The following NBEA variants were observed in gnomAD, a reference collection of about 807,000 sequenced individuals.
The protein encoded by NBEA is neurobeachin.
Under a neutral mutation model 343.4 loss-of-function variants are expected in NBEA, and 44 were observed. That is an observed-to-expected ratio of 0.13 (90% CI 0.10 to 0.16). The LOEUF (loss-of-function observed/expected upper bound fraction) is 0.16. NBEA is among the 10% of genes least tolerant of loss of function. The pLI is 1.00. For synonymous variants in NBEA, 1,175 were observed against 1,238.7 expected (o/e 0.95, Z 1.08); for missense variants, 2,555 against 3,631.3 (o/e 0.70, Z 7.62).
chr13:35,259,138 T>C (rs964560563), intron 34 of NBEA, among the ~76,000 whole-genome samples: 1 of 152,212 alleles, frequency 6.6e-6, no homozygotes, highest in African/African-American at 2.4e-5. Context: ...TTATGGGAAG[T>C]TAGTTTTCTC....
At chr13:34,995,355 G>A (rs1236465092) in intron 1 of NBEA, among the ~76,000 whole-genome samples, 2 of 151,684 alleles carry the variant, frequency 1.3e-5, no homozygotes, top group African/African-American at 4.8e-5. Context: ...TACTGAGGAG[G>A]CTGAGGCAGG....
At chr13:35,263,773 A>G (rs117312862) in intron 34 of NBEA, among the ~76,000 whole-genome samples, 4,519 of 152,186 alleles carry the variant, frequency 0.03, 100 homozygotes, top group Non-Finnish European at 0.045. Flanking sequence ...AGATACAGCA[A>G]AAGGAGATCT....
chr13:35,205,355 G>A (rs1266192988), intron 31 of NBEA, among the ~76,000 whole-genome samples: 1 of 152,126 alleles, frequency 6.6e-6, no homozygotes, highest in Non-Finnish European at 1.5e-5. Flanking sequence ...TTAGAAACTG[G>A]AATTCATAAA....
At chr13:35,134,667 A>G (rs1362095089) in intron 17 of NBEA, among the ~76,000 whole-genome samples, 2 of 152,154 alleles carry the variant, frequency 1.3e-5, no homozygotes, top group East Asian at 1.9e-4. Flanking sequence ...AGAACTTTGT[A>G]CTTATATTAC....
chr13:35,165,540 C>A (rs2069943399), intron 24 of NBEA, among the ~76,000 whole-genome samples: 1 of 152,104 alleles, frequency 6.6e-6, no homozygotes, highest in South Asian at 2.1e-4. Context: ...GTGAAGAGTG[C>A]AAGTATACAT....
intron 34 of NBEA, among the ~76,000 whole-genome samples, chr13:35,284,586 C>T (rs1240225176): frequency 6.6e-6 from 1 of 152,096 alleles, no homozygotes; most frequent in Non-Finnish European, 1.5e-5. Flanking sequence ...TACCTATATA[C>T]ATCTTAATAT....
intron 1 of NBEA, among the ~76,000 whole-genome samples, chr13:35,026,240 T>C (rs544248997): frequency 3.4e-4 from 52 of 152,220 alleles, no homozygotes; most frequent in African/African-American, 1.1e-3. Context: ...TCCTGAGGCC[T>C]CCCCAGCCAT....
chr13:35,667,334 G>A (rs374112854), intron 56 of NBEA, 40 bp from the exon 57 acceptor site: 43 of 1,564,284 alleles, frequency 2.7e-5, no homozygotes, highest in Admixed American at 6.8e-5. Flanking sequence ...GTCGTTTGTC[G>A]TCCCCAACTG....
chr13:35,594,947 T>TCACACACACACA (rs71196581), intron 47 of NBEA, among the ~76,000 whole-genome samples: 2 of 111,124 alleles, frequency 1.8e-5, no homozygotes, highest in African/African-American at 3.2e-5. Context: ...TTTGACATCA[T>TCACACACACACA]CACACACACA....
At chr13:35,100,744 T>C (rs892344570) in intron 11 of NBEA, among the ~76,000 whole-genome samples, 2 of 152,018 alleles carry the variant, frequency 1.3e-5, no homozygotes, top group African/African-American at 4.8e-5. Context: ...TCATTGTGGT[T>C]TTAATTTGCA....
At chr13:35,327,266 C>A (rs1022614427) in intron 36 of NBEA, among the ~76,000 whole-genome samples, 4 of 151,930 alleles carry the variant, frequency 2.6e-5, no homozygotes, top group Non-Finnish European at 4.4e-5. Context: ...CCCAGCAATC[C>A]CATTACTGGG....
At chr13:35,003,277 G>T (rs879276375) in intron 1 of NBEA, among the ~76,000 whole-genome samples, 3 of 152,046 alleles carry the variant, frequency 2.0e-5, no homozygotes, top group Admixed American at 6.6e-5. Flanking sequence ...GCTACTTCAG[G>T]GGGGCTGAGG....
At chr13:35,557,947 G>T (rs2079656932) in intron 44 of NBEA, among the ~76,000 whole-genome samples, 1 of 152,060 alleles carries the variant, frequency 6.6e-6, no homozygotes, top group Non-Finnish European at 1.5e-5. Context: ...TATAATATTG[G>T]AGCCTTAGAG....
intron 36 of NBEA, among the ~76,000 whole-genome samples, chr13:35,317,739 A>G (rs895942372): frequency 2.0e-5 from 3 of 152,200 alleles, no homozygotes; most frequent in South Asian, 2.1e-4. Context: ...ATCCATGAGC[A>G]TGGAGTGTCT....
chr13:35,353,505 G>C (rs980122898), intron 38 of NBEA, among the ~76,000 whole-genome samples: 1 of 152,024 alleles, frequency 6.6e-6, no homozygotes, highest in Non-Finnish European at 1.5e-5. Context: ...AACTTCCTGG[G>C]ATTATGAGTG....
intron 36 of NBEA, among the ~76,000 whole-genome samples, chr13:35,322,214 G>A (rs774312678): frequency 4.6e-5 from 7 of 152,170 alleles, no homozygotes; most frequent in Non-Finnish European, 1.0e-4. Context: ...TTGAAACCCA[G>A]GGCCCTGGTG....
intron 45 of NBEA, among the ~76,000 whole-genome samples, chr13:35,581,907 A>AG (rs1043730392): frequency 2.6e-5 from 2 of 77,058 alleles, no homozygotes; most frequent in African/African-American, 5.9e-5. Context: ...AAAGAAAAGA[A>AG]AAAAAAAGAA....
At chr13:35,422,550 G>C (rs2044362057) in intron 38 of NBEA, among the ~76,000 whole-genome samples, 1 of 152,004 alleles carries the variant, frequency 6.6e-6, no homozygotes. Context: ...GTCTATCGTT[G>C]TTGGACATTT....
chr13:35,511,632 T>A (rs1191063372), intron 41 of NBEA, among the ~76,000 whole-genome samples: 1 of 152,172 alleles, frequency 6.6e-6, no homozygotes, highest in Non-Finnish European at 1.5e-5. Flanking sequence ...GATATCTCTC[T>A]ATATATGCAG....
Sources: gnomAD v4.1 joint callset for allele counts (sites outside exome capture counted in the v4.1 genomes callset) on GRCh38, gnomAD v4.1.1 for gene constraint, MANE v1.5 for transcripts, NCBI Gene and HGNC (gene_info 2026-07-23, HGNC 2026-07-21) for gene names.